Variants in DACH2 observed in about 807,000 individuals in gnomAD.
DACH2 encodes the protein dachshund family transcription factor 2.
A neutral mutation model predicts 35.8 loss-of-function variants in DACH2; 17 were observed. The ratio of observed to expected loss-of-function variants is 0.48; its 90% CI spans 0.33 to 0.71. DACH2 has a LOEUF of 0.71. Ranked by LOEUF, DACH2 falls within the 30% of genes least tolerant of loss-of-function variation. The probability of loss-of-function intolerance (pLI) is 0.02; values close to 1 mark genes in which losing one functional copy is unlikely to be tolerated. For synonymous variants in DACH2, 195 were observed against 177.3 expected, an observed-to-expected ratio of 1.10 and a Z score of -0.79; for missense variants, 469 against 472.7, an observed-to-expected ratio of 0.99 and a Z score of 0.07.
intron 1 of DACH2, among the ~76,000 whole-genome samples, chrX:86,310,593 C>G (rs1035117487): frequency 3.6e-5 from 4 of 111,999 alleles, no homozygotes; most frequent in African/African-American, 9.7e-5. Context: ...TTGAGCAGTG[C>G]ACCTGGTTGT....
intron 7 of DACH2, among the ~76,000 whole-genome samples, chrX:86,743,777 T>G (rs745570644): frequency 9.0e-6 from 1 of 111,255 alleles, no homozygotes; most frequent in Non-Finnish European, 1.9e-5. Context: ...ATGCAGATGA[T>G]TGATTTCAGA....
At chrX:86,513,384 G>T (rs769298569) in intron 2 of DACH2, among the ~76,000 whole-genome samples, 2 of 111,764 alleles carry the variant, frequency 1.8e-5, no homozygotes, top group Non-Finnish European at 3.8e-5. Context: ...TGGGTGACTC[G>T]AGAATAACTT....
intron 3 of DACH2, among the ~76,000 whole-genome samples, chrX:86,622,097 G>T (rs2040075674): frequency 9.0e-6 from 1 of 111,164 alleles, no homozygotes; most frequent in African/African-American, 3.3e-5. Flanking sequence ...TTAGAAAACA[G>T]GGATCTGCTT....
intron 3 of DACH2, among the ~76,000 whole-genome samples, chrX:86,626,140 G>A (rs2040134647): frequency 8.9e-6 from 1 of 112,397 alleles, no homozygotes; most frequent in Admixed American, 9.4e-5. Flanking sequence ...TACAATGGAG[G>A]TACAGGAATT....
chrX:86,333,995 GA>G (rs199618808), intron 1 of DACH2, among the ~76,000 whole-genome samples: 13,280 of 111,293 alleles, frequency 0.12, 805 homozygotes, highest in Non-Finnish European at 0.18. Flanking sequence ...TTATGAGTGA[GA>G]ACATACACTG....
At chrX:86,619,307 G>A in intron 3 of DACH2, among the ~76,000 whole-genome samples, 1 of 111,454 alleles carries the variant, frequency 9.0e-6, no homozygotes, top group East Asian at 2.8e-4. Context: ...TTGGGCAGCT[G>A]CCCTATGTAA....
chrX:86,207,415 A>T (rs986705745), intron 1 of DACH2, among the ~76,000 whole-genome samples: 3 of 111,120 alleles, frequency 2.7e-5, no homozygotes, highest in Admixed American at 1.9e-4. Context: ...CACAGAATTG[A>T]CTGGGTGTAT....
At chrX:86,474,473 T>C (rs142641471) in intron 2 of DACH2, among the ~76,000 whole-genome samples, 365 of 111,903 alleles carry the variant, frequency 3.3e-3, no homozygotes, top group African/African-American at 0.012. Flanking sequence ...TGTTTTCTTG[T>C]AGTAGATTTA....
chrX:86,394,085 A>T (rs2036243822), intron 2 of DACH2, among the ~76,000 whole-genome samples: 1 of 108,646 alleles, frequency 9.2e-6, no homozygotes, highest in Admixed American at 1.0e-4. Context: ...ATCAATGATC[A>T]CCTTCCTCCC....
intron 1 of DACH2, among the ~76,000 whole-genome samples, chrX:86,309,202 G>A (rs1278926588): frequency 8.9e-6 from 1 of 112,170 alleles, no homozygotes; most frequent in Non-Finnish European, 1.9e-5. Context: ...CTCCCATTTG[G>A]CCTGTACAGA....
At chrX:86,445,619 T>C (rs2037258149) in intron 2 of DACH2, among the ~76,000 whole-genome samples, 1 of 104,257 alleles carries the variant, frequency 9.6e-6, no homozygotes. Context: ...TTAATTAAAC[T>C]TTTGGTTATT....
chrX:86,166,986 T>A (rs1001223790), intron 1 of DACH2, among the ~76,000 whole-genome samples: 4 of 111,593 alleles, frequency 3.6e-5, no homozygotes, highest in Non-Finnish European at 7.6e-5. Flanking sequence ...GATTTTTGCA[T>A]CAAATTCATA....
intron 1 of DACH2, among the ~76,000 whole-genome samples, chrX:86,176,569 C>G (rs776320852): frequency 9.0e-6 from 1 of 110,939 alleles, no homozygotes; most frequent in African/African-American, 3.3e-5. Flanking sequence ...TCAGATTTTA[C>G]GTTGTTAAAC....
rs185045530 is a variant in DACH2, at chrX:86,532,324, C to T, written c.640+17933C>T. Among the ~76,000 whole-genome samples the T allele has an allele frequency of 2.7e-5, 3 of 111,287 alleles. No individual in the cohort carries two copies. In the East Asian group the frequency reaches 8.5e-4, roughly 32 times the overall value. On this transcript the variant is annotated intron_variant, in intron 3 of 11. Transcript: ENST00000373125. Reference sequence around the variant, plus strand: ...CCAGGGGTATAATGATGTAGTTTGTCTCTGTGTCTCCAGCAAAGTGTCATC... The same window carrying T: ...CCAGGGGTATAATGATGTAGTTTGTTTCTGTGTCTCCAGCAAAGTGTCATC...
intron 3 of DACH2, among the ~76,000 whole-genome samples, chrX:86,552,344 A>G (rs62593316): frequency 0.05 from 5,535 of 111,675 alleles, 118 homozygotes; most frequent in Middle Eastern, 0.1. Context: ...CCATGCTAAA[A>G]CAGCCATAAA....
At chrX:86,740,288 A>T (rs1292502271) in intron 7 of DACH2, among the ~76,000 whole-genome samples, 3 of 111,229 alleles carry the variant, frequency 2.7e-5, no homozygotes, top group Non-Finnish European at 5.7e-5. Flanking sequence ...CCAAAATCTC[A>T]ACAACTTAGA....
intron 3 of DACH2, among the ~76,000 whole-genome samples, chrX:86,563,810 A>T (rs1249313727): frequency 9.0e-6 from 1 of 111,127 alleles, no homozygotes; most frequent in Admixed American, 9.6e-5. Context: ...GTAAAACACC[A>T]TACAAACATA....
intron 2 of DACH2, among the ~76,000 whole-genome samples, chrX:86,459,767 A>G (rs1352191177): frequency 9.0e-6 from 1 of 111,452 alleles, no homozygotes; most frequent in Non-Finnish European, 1.9e-5. Context: ...GCTATTAAGT[A>G]GAGTGTTTAG....
chrX:86,758,617 A>C (rs1016053423), intron 7 of DACH2, among the ~76,000 whole-genome samples: 12 of 111,744 alleles, frequency 1.1e-4, no homozygotes, highest in African/African-American at 3.2e-4. Context: ...ATTTTTAAAA[A>C]TTTGTTGAGA....
Sources: gnomAD v4.1 joint callset for allele counts (sites outside exome capture counted in the v4.1 genomes callset) on GRCh38, gnomAD v4.1.1 for gene constraint, MANE v1.5 for transcripts, NCBI Gene and HGNC (gene_info 2026-07-23, HGNC 2026-07-21) for gene names.